The following P2RX3 variants were observed in gnomAD, a reference collection of about 807,000 sequenced individuals.
The protein encoded by P2RX3 is P2X purinoceptor 3.
Under a neutral mutation model 51.5 loss-of-function variants are expected in P2RX3, and 41 were observed. That is an observed-to-expected ratio of 0.80 (90% CI 0.62 to 1.03). The LOEUF (loss-of-function observed/expected upper bound fraction) is 1.03. Ranked by LOEUF, P2RX3 falls within the 50% of genes least tolerant of loss-of-function variation. P2RX3 has a pLI of 0.00. For synonymous variants in P2RX3, 185 were observed against 191.6 expected (o/e 0.97, Z 0.29); for missense variants, 459 against 522.1 (o/e 0.88, Z 1.18).
At chr11:57,343,329 G>A (rs1015068382) in intron 1 of P2RX3, among the ~76,000 whole-genome samples, 2 of 152,204 alleles carry the variant, frequency 1.3e-5, no homozygotes, top group East Asian at 3.8e-4. Context: ...ACTTTCCTAA[G>A]CCAGGAGATG....
At chr11:57,368,187 G>A (rs907140098) in intron 9 of P2RX3, 85 bp downstream of exon 9, 6 of 1,426,226 alleles carry the variant, frequency 4.2e-6, no homozygotes, top group African/African-American at 2.8e-5. Context: ...CCTCTGGGGG[G>A]CAGGGGTCTG....
intron 8 of P2RX3, among the ~76,000 whole-genome samples, chr11:57,362,507 G>A (rs1220875471): frequency 6.6e-6 from 1 of 152,184 alleles, no homozygotes; most frequent in South Asian, 2.1e-4. Context: ...GGCCCCCCAG[G>A]CTTCCTGTTC....
At chr11:57,350,649 A>G in intron 7 of P2RX3, 113 bp from the exon 8 acceptor site, 1 of 1,439,060 alleles carries the variant, frequency 6.9e-7, no homozygotes, top group East Asian at 2.4e-5. Flanking sequence ...TCCGTCTCCC[A>G]CCTGGAGGAT....
intron 2 of P2RX3, 86 bp from the exon 3 acceptor site, chr11:57,347,030 C>T (rs1357750271): frequency 8.8e-6 from 12 of 1,357,260 alleles, no homozygotes; most frequent in South Asian, 1.2e-5. Flanking sequence ...CTTTCCTCAT[C>T]TGTAGAGTGG....
At chr11:57,354,809 C>G (rs1856603226) in intron 8 of P2RX3, among the ~76,000 whole-genome samples, 1 of 152,038 alleles carries the variant, frequency 6.6e-6, no homozygotes, top group Non-Finnish European at 1.5e-5. Flanking sequence ...CGTCAGGGTC[C>G]CCGCAGGAAA....
rs1397815377 is a variant in P2RX3, at chr11:57,371,704, G to A, written c.*1707G>A. On this transcript the variant is annotated 3_prime_UTR_variant, in exon 12 of 12. Transcript: ENST00000263314. ...CATATCTCCCCAGGGTCAGCCTTGG[G>A]AATTGGGCAGTGCCTGGAGATCTGA... is the stretch of plus-strand genomic sequence containing the variant. Among the ~76,000 whole-genome samples the A allele has an allele frequency of 3.3e-5, 5 of 152,198 alleles. No homozygotes were observed. Among genetic ancestry groups the A allele is most frequent in the African/African-American group, 1.2e-4 (5 of 41,452 alleles).
At position 57,348,236 on chromosome 11, in the gene P2RX3, G is replaced by A; in HGVS notation, c.458G>A (p.Cys153Tyr). ...VLRTCEIQGW[C>Y]PTEVDTVETP... ...CGGACCTGTGAGATCCAGGGCTGGT[G>A]CCCCACGGAGGTGGACACAGTGGAA... Residue 153 changes from cysteine (C) to tyrosine (Y), a missense_variant, in exon 5 of 12, where the codon TGC becomes TAC. Transcript: ENST00000263314. 2 of 1,604,312 alleles carry A rather than the reference G, an allele frequency of 1.2e-6. No individual in the cohort carries two copies. Among genetic ancestry groups the A allele is most frequent in the Non-Finnish European group, 1.7e-6 (2 of 1,175,890 alleles).
chr11:57,349,341 C>T (rs1326641247), intron 6 of P2RX3, among the ~76,000 whole-genome samples: 1 of 151,908 alleles, frequency 6.6e-6, no homozygotes, highest in Non-Finnish European at 1.5e-5. Flanking sequence ...TGGCACACCC[C>T]TGTAATCCCA....
intron 1 of P2RX3, among the ~76,000 whole-genome samples, chr11:57,343,716 G>A (rs1036355397): frequency 6.6e-6 from 1 of 152,150 alleles, no homozygotes; most frequent in African/African-American, 2.4e-5. Context: ...CATTTCCTTA[G>A]GTCGACACTG....
At chr11:57,336,790 A>G (rs12798121), upstream of P2RX3, among the ~76,000 whole-genome samples, 4,947 of 152,318 alleles carry the variant, frequency 0.032, 100 homozygotes, top group Non-Finnish European at 0.045. Flanking sequence ...TTTCCCTGAC[A>G]ATCAATACAC....
chr11:57,338,134 G>A (rs1391550678), upstream of P2RX3, among the ~76,000 whole-genome samples: 1 of 152,238 alleles, frequency 6.6e-6, no homozygotes, highest in East Asian at 1.9e-4. Context: ...GGGCTTTAGG[G>A]AGAGTGTGAG....
intron 8 of P2RX3, among the ~76,000 whole-genome samples, chr11:57,367,448 C>T (rs1440913319): frequency 2.6e-5 from 4 of 152,176 alleles, no homozygotes; most frequent in African/African-American, 4.8e-5. Flanking sequence ...TGGCCGGACG[C>T]GGTGGCTCAC....
upstream of P2RX3, among the ~76,000 whole-genome samples, chr11:57,337,328 A>AAAAAAAAG (rs1216103207): frequency 1.6e-4 from 1 of 6,160 alleles, no homozygotes; most frequent in African/African-American, 2.8e-4. Flanking sequence ...AAAGAAAAAA[A>AAAAAAAAG]AAAGGAAGGG....
Position 57,371,173 on chromosome 11 carries a change from G to A in P2RX3, c.*1176G>A, listed in dbSNP as rs764051868. On this transcript the variant is annotated 3_prime_UTR_variant, in exon 12 of 12. Coordinates refer to ENST00000263314, the MANE Select transcript of P2RX3 (RefSeq NM_002559.5). ...CCCTTCAGGGAAGGAGGCAAGAACA[G>A]GAAGCTGGATCCATTGACCCAGACA... Among the ~76,000 whole-genome samples the A allele has an allele frequency of 7.2e-5, 11 of 152,250 alleles. No individual in the cohort carries two copies. Among genetic ancestry groups the A allele is most frequent in the Non-Finnish European group, 1.3e-4 (9 of 68,048 alleles).
chr11:57,362,876 T>C (rs1856742470), intron 8 of P2RX3, among the ~76,000 whole-genome samples: 1 of 152,172 alleles, frequency 6.6e-6, no homozygotes, highest in African/African-American at 2.4e-5. Flanking sequence ...ACTCAGTAGA[T>C]GTTGGCTGTT....
At chr11:57,360,802 AAAAAG>A (rs1158503291) in intron 8 of P2RX3, among the ~76,000 whole-genome samples, 2 of 151,214 alleles carry the variant, frequency 1.3e-5, no homozygotes, top group Admixed American at 6.6e-5. Context: ...TCTCAAAAAA[AAAAAG>A]AAAAAAAGAA....
intron 8 of P2RX3, among the ~76,000 whole-genome samples, chr11:57,354,495 G>A (rs767604035): frequency 2.0e-5 from 3 of 152,218 alleles, no homozygotes; most frequent in Non-Finnish European, 2.9e-5. Context: ...AGTGAAAGGC[G>A]CCCTCAGCAG....
At position 57,347,184 on chromosome 11, in the gene P2RX3, A is replaced by T. The variant is rs1201024230; in HGVS notation, c.324A>T (p.Pro108=). The change falls in exon 3 of 12, where the codon CCA becomes CCT. Residue 108 remains proline (P), a synonymous_variant. Coordinates refer to ENST00000263314, the MANE Select transcript of P2RX3 (RefSeq NM_002559.5). Reference sequence around the variant, plus strand: ...AAAATCAGATGCAAGGATTCTGCCCAGAGGTGAGGGGAGGACAGAGGTTGG... The same window carrying T: ...AAAATCAGATGCAAGGATTCTGCCCTGAGGTGAGGGGAGGACAGAGGTTGG... ...VTENQMQGFC[P]ESEEKYRCVS... 6.2e-7 allele frequency: 1 copy of T among 1,613,240 alleles called. No individual in the cohort carries two copies.
In P2RX3 at chr11:57,363,867, C is replaced by T. The variant is rs372272262; in HGVS notation, c.843-4142C>T. ...ACCCGGGAAGAGAACCAGTCCCTGC[C>T]AACCCTCCTCAGAGGGTGGGTGGTT... On this transcript the variant is annotated intron_variant, in intron 8 of 11. Transcript: ENST00000263314. 5.9e-5 allele frequency among the ~76,000 whole-genome samples: 9 copies of T among 152,258 alleles called. No individual in the cohort carries two copies. The East Asian group carries it at 1.7e-3, about 29-fold the overall frequency.
Sources: allele counts gnomAD v4.1 joint callset (sites outside exome capture counted in the v4.1 genomes callset), GRCh38; gene constraint gnomAD v4.1.1; transcripts MANE v1.5; gene names NCBI Gene and HGNC (gene_info 2026-07-23, HGNC 2026-07-21).